Variants in KCNN1 observed in about 807,000 individuals in gnomAD.
KCNN1 encodes potassium calcium-activated channel subfamily N member 1, also known as small conductance calcium-activated potassium channel protein 1.
KCNN1 carries 20 observed loss-of-function variants against 44.7 expected under a neutral mutation model. The observed-to-expected ratio is 0.45, with a 90% CI of 0.32 to 0.65. KCNN1 has a LOEUF of 0.65. Among genes scored for constraint, KCNN1 ranks in the 30% least tolerant of loss-of-function variants. The probability of loss-of-function intolerance (pLI) is 0.05; values close to 1 mark genes in which losing one functional copy is unlikely to be tolerated. For missense variants in KCNN1, 632 were observed against 785.3 expected (o/e 0.80, Z 2.33); for synonymous variants, 324 against 341.7 (o/e 0.95, Z 0.57).
At chr19:17,969,086 G>A in intron 1 of KCNN1, among the ~76,000 whole-genome samples, 1 of 152,044 alleles carries the variant, frequency 6.6e-6, no homozygotes, top group Non-Finnish European at 1.5e-5. Context: ...GGGCTCCTGG[G>A]TCTCTGGGAA....
intron 1 of KCNN1, among the ~76,000 whole-genome samples, chr19:17,971,229 T>C (rs1046844926): frequency 6.6e-6 from 1 of 152,088 alleles, no homozygotes; most frequent in Non-Finnish European, 1.5e-5. Context: ...TCTGCTAGTC[T>C]GTCACCCCCA....
At chr19:17,985,873 A>G (rs907144226) in intron 5 of KCNN1, among the ~76,000 whole-genome samples, 2 of 152,214 alleles carry the variant, frequency 1.3e-5, no homozygotes, top group Non-Finnish European at 2.9e-5. Flanking sequence ...TCTGCTTTGC[A>G]AGGGCTAAGT....
At chr19:17,968,863 T>C (rs2031914532) in intron 1 of KCNN1, among the ~76,000 whole-genome samples, 1 of 151,942 alleles carries the variant, frequency 6.6e-6, no homozygotes, top group African/African-American at 2.4e-5. Context: ...CCGTAGGATG[T>C]TTGTTGTTTG....
At chr19:17,953,941 C>T (rs138662085) in intron 1 of KCNN1, among the ~76,000 whole-genome samples, 1 of 151,916 alleles carries the variant, frequency 6.6e-6, no homozygotes, top group African/African-American at 2.4e-5. Flanking sequence ...TGTCACCCAC[C>T]TAGATCTCCC....
At chr19:17,973,712 C>A in intron 1 of KCNN1, 96 bp from the exon 2 acceptor site, 3 of 1,394,438 alleles carry the variant, frequency 2.2e-6, no homozygotes, top group Non-Finnish European at 1.9e-6. Context: ...GGGCCACTCC[C>A]AAACTTAGAA....
intron 1 of KCNN1, among the ~76,000 whole-genome samples, chr19:17,971,759 C>T (rs1178211551): frequency 6.6e-6 from 1 of 152,018 alleles, no homozygotes; most frequent in African/African-American, 2.4e-5. Flanking sequence ...CCACCGTGCC[C>T]GGCCCAGGCA....
intron 9 of KCNN1, among the ~76,000 whole-genome samples, chr19:17,997,760 G>T (rs1204053623): frequency 6.6e-6 from 1 of 152,064 alleles, no homozygotes; most frequent in Non-Finnish European, 1.5e-5. Context: ...GATTACAGGC[G>T]TGAGCCACCA....
chr19:17,956,720 T>G (rs1245954213), intron 2 of KCNN1, among the ~76,000 whole-genome samples: 1 of 151,766 alleles, frequency 6.6e-6, no homozygotes, highest in African/African-American at 2.4e-5. Context: ...TACTGTAGTC[T>G]GGGTGACAGT....
At chr19:17,982,154 C>A (rs1205811297) in intron 4 of KCNN1, 27 bp downstream of exon 4, 2 of 1,460,110 alleles carry the variant, frequency 1.4e-6, no homozygotes, top group African/African-American at 2.8e-5. Context: ...TGGAGCCCCC[C>A]CAGCCCCCAG....
At chr19:17,976,992 C>T (rs1190592999) in intron 3 of KCNN1, among the ~76,000 whole-genome samples, 4 of 152,094 alleles carry the variant, frequency 2.6e-5, no homozygotes, top group East Asian at 1.9e-4. Flanking sequence ...GCTGGGATTA[C>T]AAGCGTGAGC....
chr19:17,984,421 A>C (rs1316174312), intron 4 of KCNN1, among the ~76,000 whole-genome samples: 1 of 152,056 alleles, frequency 6.6e-6, no homozygotes, highest in Non-Finnish European at 1.5e-5. Flanking sequence ...GTGCTACCCC[A>C]GTTGGCCTCT....
chr19:17,955,864 C>T (rs2031532505), intron 2 of KCNN1, among the ~76,000 whole-genome samples: 1 of 150,700 alleles, frequency 6.6e-6, no homozygotes, highest in African/African-American at 2.4e-5. Context: ...TAGGCCAGCT[C>T]TGTGGAAGGC....
chr19:17,994,742 C>T (rs1187601919), intron 9 of KCNN1, among the ~76,000 whole-genome samples: 1 of 152,138 alleles, frequency 6.6e-6, no homozygotes, highest in East Asian at 1.9e-4. Flanking sequence ...CGGGGTTTCG[C>T]CATGTTGGCC....
At chr19:17,992,924 T>C (rs2032845622) in intron 7 of KCNN1, 130 bp from the exon 8 acceptor site, 1 of 1,182,544 alleles carries the variant, frequency 8.5e-7, no homozygotes, top group Non-Finnish European at 1.2e-6. Flanking sequence ...CCCTCGGCCA[T>C]CTGGGAACCC....
intron 1 of KCNN1, among the ~76,000 whole-genome samples, chr19:17,952,019 T>G (rs1225028028): frequency 6.6e-6 from 1 of 152,120 alleles, no homozygotes; most frequent in African/African-American, 2.4e-5. Context: ...CTTCTAAGAT[T>G]TGCTGTCACG....
chr19:17,986,616 C>G (rs993961248), intron 5 of KCNN1, among the ~76,000 whole-genome samples: 8 of 152,176 alleles, frequency 5.3e-5, no homozygotes, highest in African/African-American at 1.9e-4. Flanking sequence ...CCTTCTTTCT[C>G]TCCAGACATG....
At chr19:17,984,841 A>G (rs1004001678) in intron 4 of KCNN1, among the ~76,000 whole-genome samples, 2 of 151,904 alleles carry the variant, frequency 1.3e-5, no homozygotes, top group African/African-American at 4.8e-5. Context: ...CCTCCAGTCT[A>G]TGTCCTTCCT....
Position 17,998,134 on chromosome 19 carries a change from C to A in KCNN1, c.1378-18C>A. ...CACTCAGCGGCGCCTCTCTCCTGCC[C>A]CTCTCTGTCTCCCGCAGACCCAGAC... On this transcript the variant is annotated intron_variant, in intron 9 of 9. Transcript: ENST00000684775. This position sits in a 1 kb window ranked among gnomAD's most constrained non-coding sequence, Gnocchi z 5.4. The A allele has an allele frequency of 6.4e-7, 1 of 1,568,700 alleles. No homozygotes were observed. Among genetic ancestry groups the A allele is most frequent in the Admixed American group, 1.8e-5 (1 of 55,410 alleles).
chr19:17,993,181 C>A lies in KCNN1; in HGVS notation c.1307+119C>A. The A allele has an allele frequency of 1.6e-6, 2 of 1,215,014 alleles. No homozygotes were observed. Among genetic ancestry groups the A allele is most frequent in the Non-Finnish European group, 2.4e-6 (2 of 836,422 alleles). 75.3% of individuals were successfully genotyped at this position (1,215,014 alleles called of 1,614,324 possible). ...CCTCAGAGGCGGGCAGGGTTCACAT[C>A]TGCCCCATGGATCCGTGCAGGCTTC... On this transcript the variant is annotated intron_variant, in intron 8 of 9. Transcript: ENST00000684775. The surrounding 1 kb of genome is among the most constrained non-coding windows in gnomAD (Gnocchi z 4.5).
Sources: gnomAD v4.1 joint callset for allele counts (sites outside exome capture counted in the v4.1 genomes callset) on GRCh38, gnomAD v4.1.1 for gene constraint, Gnocchi (gnomAD v3.1) non-coding constraint, MANE v1.5 for transcripts, NCBI Gene and HGNC (gene_info 2026-07-23, HGNC 2026-07-21) for gene names.